Variants in ADGRB3 observed in about 807,000 individuals in gnomAD.
ADGRB3 encodes brain-specific angiogenesis inhibitor 3.
In ADGRB3, 37 loss-of-function variants were observed where a neutral mutation model predicts 193.4. That is an observed-to-expected ratio of 0.19 (90% CI 0.15 to 0.25). The LOEUF is 0.25. Among genes scored for constraint, ADGRB3 ranks in the 10% least tolerant of loss-of-function variants. ADGRB3 has a pLI of 1.00. For missense variants in ADGRB3, 1,637 were observed against 1,852.9 expected, an observed-to-expected ratio of 0.88 and a Z score of 2.14; for synonymous variants, 690 against 644.2, an observed-to-expected ratio of 1.07 and a Z score of -1.08.
chr6:68,712,475 A>G (rs1436464395), intron 3 of ADGRB3, among the ~76,000 whole-genome samples: 1 of 152,014 alleles, frequency 6.6e-6, no homozygotes, highest in East Asian at 1.9e-4. Flanking sequence ...AGAAATCTAT[A>G]TTATTCTAAC....
At chr6:69,340,092 A>G (rs1241744330) in intron 26 of ADGRB3, among the ~76,000 whole-genome samples, 1 of 152,198 alleles carries the variant, frequency 6.6e-6, no homozygotes. Flanking sequence ...ACAGTGAGAC[A>G]TGATAGGCAG....
At chr6:68,875,703 C>G (rs1220775189) in intron 3 of ADGRB3, among the ~76,000 whole-genome samples, 4 of 151,898 alleles carry the variant, frequency 2.6e-5, no homozygotes, top group Non-Finnish European at 5.9e-5. Context: ...TTTTAAATAT[C>G]AACTATATTT....
chr6:68,738,524 T>C (rs1321685783), intron 3 of ADGRB3, among the ~76,000 whole-genome samples: 5 of 152,138 alleles, frequency 3.3e-5, no homozygotes, highest in African/African-American at 1.2e-4. Flanking sequence ...ACAAAGGTGA[T>C]AATTTTGGCT....
intron 3 of ADGRB3, among the ~76,000 whole-genome samples, chr6:68,679,366 T>G (rs1297063018): frequency 6.6e-6 from 1 of 152,110 alleles, no homozygotes; most frequent in African/African-American, 2.4e-5. Context: ...TTAAGGGACA[T>G]AGGGTCTCTT....
At chr6:69,249,143 AATTATTGT>A (rs1766564293) in intron 20 of ADGRB3, among the ~76,000 whole-genome samples, 1 of 152,022 alleles carries the variant, frequency 6.6e-6, no homozygotes, top group Admixed American at 6.6e-5. Flanking sequence ...ATGCCCGGCT[AATTATTGT>A]ATTTTTAGTA....
chr6:68,760,667 T>C (rs963041348), intron 3 of ADGRB3, among the ~76,000 whole-genome samples: 2 of 152,190 alleles, frequency 1.3e-5, no homozygotes, highest in African/African-American at 4.8e-5. Context: ...ATCTGTGAAG[T>C]AGCAGCTGTC....
At chr6:68,844,474 T>A (rs909553587) in intron 3 of ADGRB3, among the ~76,000 whole-genome samples, 3 of 152,156 alleles carry the variant, frequency 2.0e-5, no homozygotes, top group Admixed American at 6.5e-5. Context: ...ATGGCTTTTA[T>A]CTAAAAGACA....
intron 3 of ADGRB3, among the ~76,000 whole-genome samples, chr6:68,731,637 G>A (rs1765778254): frequency 6.6e-6 from 1 of 151,148 alleles, no homozygotes; most frequent in Non-Finnish European, 1.5e-5. Context: ...TTTTGCATTA[G>A]TCACAAACAT....
chr6:68,908,311 A>G (rs1018438364), intron 3 of ADGRB3, among the ~76,000 whole-genome samples: 1 of 152,060 alleles, frequency 6.6e-6, no homozygotes, highest in African/African-American at 2.4e-5. Context: ...TTAAGGGTCC[A>G]CAATGACTAC....
At chr6:69,065,410 A>G (rs1041359758) in intron 16 of ADGRB3, among the ~76,000 whole-genome samples, 2 of 152,112 alleles carry the variant, frequency 1.3e-5, no homozygotes, top group Non-Finnish European at 2.9e-5. Flanking sequence ...TAAAATATCC[A>G]TCTCACTGTT....
At chr6:69,018,273 T>C in intron 12 of ADGRB3, 118 bp from the exon 13 acceptor site, 1 of 572,596 alleles carries the variant, frequency 1.7e-6, no homozygotes, top group Non-Finnish European at 3.0e-6. Flanking sequence ...CAGCTGTAGA[T>C]TTTTTTGAAG....
In ADGRB3 at chr6:68,666,762, T is replaced by C. The variant is rs1298304379; in HGVS notation, c.757+27330T>C. 2.0e-5 allele frequency among the ~76,000 whole-genome samples: 3 copies of C among 151,854 alleles called. No individual in the cohort carries two copies. The East Asian group carries it at 5.8e-4, about 29-fold the overall frequency. On this transcript the variant is annotated intron_variant, in intron 3 of 31. Coordinates refer to ENST00000370598, the MANE Select transcript of ADGRB3 (RefSeq NM_001704.3). Reference sequence around the variant, plus strand: ...TTATTAATGTCATAACTAGAACTTATTTTGAACTTAATAAATGTAGTTGGA... The same window carrying C: ...TTATTAATGTCATAACTAGAACTTACTTTGAACTTAATAAATGTAGTTGGA...
intron 30 of ADGRB3, among the ~76,000 whole-genome samples, chr6:69,381,469 TAAAA>T (rs1010478360): frequency 5.9e-5 from 9 of 151,992 alleles, no homozygotes; most frequent in African/African-American, 2.2e-4. Flanking sequence ...ATCTCTCACA[TAAAA>T]GTAGGCTAGT....
chr6:69,348,691 C>T (rs1769160744), intron 26 of ADGRB3, among the ~76,000 whole-genome samples: 2 of 151,642 alleles, frequency 1.3e-5, no homozygotes, highest in South Asian at 4.1e-4. Context: ...TAGGTGGACA[C>T]AGACATGTGG....
rs1190873461 is a variant in ADGRB3, at chr6:68,772,854, AAAAC to A, written c.757+133450_757+133453del. The stretch of plus-strand genomic sequence containing the variant: ...GCAACATGGTGAAAACCTATTTCTA[AAAAC>A]AAACAAACAAACAAACAAACAAACA... On this transcript the variant is annotated intron_variant, in intron 3 of 31. Coordinates refer to ENST00000370598, the MANE Select transcript of ADGRB3 (RefSeq NM_001704.3). Among the ~76,000 whole-genome samples, 354 of 66,412 alleles carry A rather than the reference AAAAC, an allele frequency of 5.3e-3. 6 individuals are homozygous for A. Among genetic ancestry groups the A allele is most frequent in the Middle Eastern group, 0.016 (2 of 122 alleles). 43.6% of individuals were successfully genotyped at this position (66,412 alleles called of 152,430 possible).
At chr6:68,672,048 C>A (rs940619260) in intron 3 of ADGRB3, among the ~76,000 whole-genome samples, 1 of 151,914 alleles carries the variant, frequency 6.6e-6, no homozygotes, top group African/African-American at 2.4e-5. Context: ...AGTTTATAGT[C>A]ATTTAGTTGC....
At chr6:69,225,464 C>T (rs1290398898) in intron 17 of ADGRB3, among the ~76,000 whole-genome samples, 2 of 152,162 alleles carry the variant, frequency 1.3e-5, no homozygotes, top group African/African-American at 2.4e-5. Context: ...GTGTCTAGTC[C>T]TCACTGAGAG....
chr6:69,068,964 T>A (rs536981781), intron 16 of ADGRB3, among the ~76,000 whole-genome samples: 40 of 152,236 alleles, frequency 2.6e-4, no homozygotes, highest in African/African-American at 9.4e-4. Flanking sequence ...GTTTGTCTAG[T>A]TTTCAATGTG....
At chr6:68,885,746 G>A (rs376193338) in intron 3 of ADGRB3, among the ~76,000 whole-genome samples, 1 of 152,146 alleles carries the variant, frequency 6.6e-6, no homozygotes, top group East Asian at 1.9e-4. Flanking sequence ...ACTACACTTT[G>A]TGGGTCCTGG....
Sources: gnomAD v4.1 joint callset for allele counts (sites outside exome capture counted in the v4.1 genomes callset) on GRCh38, gnomAD v4.1.1 for gene constraint, MANE v1.5 for transcripts, NCBI Gene and HGNC (gene_info 2026-07-23, HGNC 2026-07-21) for gene names.